Variants in SMIM31 observed in about 807,000 individuals in gnomAD.
SMIM31 encodes human epithelial cell program regulator.
In SMIM31 at chr4:164,802,424, C is replaced by G. The variant is rs1193247170; in HGVS notation, c.*1230C>G. ...CTAATTTTTGTAATTGTTTGTAGAA[C>G]CAAGGCCTCTCTATGTTGCCTAGGC... On this transcript the variant is annotated 3_prime_UTR_variant, in exon 3 of 3. Coordinates refer to ENST00000507311, the MANE Select transcript of SMIM31 (RefSeq NM_001352885.1). The G allele has an allele frequency of 1.3e-5, 2 of 152,248 alleles. No homozygotes were observed. Among genetic ancestry groups the G allele is most frequent in the African/African-American group, 4.8e-5 (2 of 41,432 alleles). 9.4% of individuals were successfully genotyped at this position (152,248 alleles called of 1,614,324 possible). A position where few individuals can be genotyped will look rare whatever the true frequency, so the allele number is the denominator to read the frequency against.
chr4:164,800,958 G>C lies in SMIM31; in HGVS notation c.113-133G>C, dbSNP rs1454304874. 1.8e-5 allele frequency: 7 copies of C among 390,322 alleles called. No individual in the cohort carries two copies. In the East Asian group the frequency reaches 2.2e-4, roughly 12 times the overall value. The allele number at this position is 390,322 out of a possible 1,614,324, so 24.2% of individuals were successfully genotyped here. ...TCCTTGCTCTGTCTCCTTTCGCTAGGTGTAATCCCTTTCCTAGCCAACAGG... is the reference window on the plus strand; with the variant it reads ...TCCTTGCTCTGTCTCCTTTCGCTAGCTGTAATCCCTTTCCTAGCCAACAGG... On this transcript the variant is annotated intron_variant, in intron 2 of 2. Transcript: ENST00000507311.
intron 2 of SMIM31, among the ~76,000 whole-genome samples, chr4:164,789,909 T>C (rs1331389895): frequency 6.6e-6 from 1 of 152,226 alleles, no homozygotes; most frequent in Non-Finnish European, 1.5e-5. Context: ...AAAACTGTTA[T>C]GTAGAATGTC....
chr4:164,773,833 T>C (rs1732845281), intron 2 of SMIM31, among the ~76,000 whole-genome samples: 1 of 152,096 alleles, frequency 6.6e-6, no homozygotes, highest in Admixed American at 6.5e-5. Context: ...AGTCTTCTTC[T>C]TGGGAGTCTT....
intron 2 of SMIM31, among the ~76,000 whole-genome samples, chr4:164,772,876 C>A (rs957989599): frequency 6.6e-6 from 1 of 151,846 alleles, no homozygotes; most frequent in Non-Finnish European, 1.5e-5. Flanking sequence ...CCGCGCCCGG[C>A]CGGACATTGA....
chr4:164,781,996 A>G (rs1732956077), intron 2 of SMIM31, among the ~76,000 whole-genome samples: 2 of 152,134 alleles, frequency 1.3e-5, no homozygotes, highest in Non-Finnish European at 2.9e-5. Flanking sequence ...TCTACCTTAA[A>G]AAGTGAATTT....
intron 2 of SMIM31, among the ~76,000 whole-genome samples, chr4:164,779,623 A>C (rs1732921957): frequency 1.3e-5 from 2 of 152,292 alleles, no homozygotes; most frequent in South Asian, 4.1e-4. Flanking sequence ...TTAAGAAGAC[A>C]TGGCCATAAG....
At chr4:164,755,799 A>G (rs1732553887) in intron 1 of SMIM31, among the ~76,000 whole-genome samples, 1 of 152,104 alleles carries the variant, frequency 6.6e-6, no homozygotes, top group Non-Finnish European at 1.5e-5. Flanking sequence ...AATTTAAAAA[A>G]TTCTTTGGAA....
chr4:164,785,724 T>C (rs1042280022), intron 2 of SMIM31, among the ~76,000 whole-genome samples: 8 of 150,634 alleles, frequency 5.3e-5, no homozygotes, highest in Non-Finnish European at 1.2e-4. Context: ...TTACATAATC[T>C]TTAAGCTTCT....
intron 1 of SMIM31, among the ~76,000 whole-genome samples, chr4:164,760,874 T>A (rs1002844215): frequency 1.3e-5 from 2 of 152,044 alleles, no homozygotes; most frequent in African/African-American, 4.8e-5. Flanking sequence ...ATGGAGCTAC[T>A]GTCAATGAAA....
intron 2 of SMIM31, among the ~76,000 whole-genome samples, chr4:164,780,705 C>A (rs779778078): frequency 5.9e-5 from 9 of 152,172 alleles, no homozygotes; most frequent in Non-Finnish European, 8.8e-5. Context: ...GCATTAAATT[C>A]TAAAATTCTA....
chr4:164,789,300 G>A (rs896617717), intron 2 of SMIM31, among the ~76,000 whole-genome samples: 1 of 152,138 alleles, frequency 6.6e-6, no homozygotes, highest in Non-Finnish European at 1.5e-5. Context: ...GGCCAGCAGA[G>A]GTACAAATGA....
intron 1 of SMIM31, among the ~76,000 whole-genome samples, chr4:164,768,378 G>A (rs1157938055): frequency 9.5e-5 from 13 of 137,068 alleles, no homozygotes; most frequent in East Asian, 6.7e-4. Flanking sequence ...GCAGTGAGCC[G>A]AAATCACACC....
chr4:164,789,194 G>A (rs1336772679), intron 2 of SMIM31, among the ~76,000 whole-genome samples: 4 of 152,066 alleles, frequency 2.6e-5, no homozygotes, highest in Non-Finnish European at 5.9e-5. Context: ...GAATGTTTGC[G>A]GATTCCATAG....
intron 2 of SMIM31, among the ~76,000 whole-genome samples, chr4:164,800,634 C>T (rs943681475): frequency 6.6e-6 from 1 of 152,150 alleles, no homozygotes; most frequent in East Asian, 1.9e-4. Context: ...TGACAATGCC[C>T]CTCAGGCTTA....
At chr4:164,779,124 G>A (rs1417052743) in intron 2 of SMIM31, among the ~76,000 whole-genome samples, 1 of 152,164 alleles carries the variant, frequency 6.6e-6, no homozygotes, top group Non-Finnish European at 1.5e-5. Flanking sequence ...TGGTCGCAGA[G>A]AAGTTCAACA....
At chr4:164,781,805 T>C (rs569786391) in intron 2 of SMIM31, among the ~76,000 whole-genome samples, 1 of 152,250 alleles carries the variant, frequency 6.6e-6, no homozygotes, top group Non-Finnish European at 1.5e-5. Flanking sequence ...CTATGTAACA[T>C]TGTGGAAAAG....
rs1732640649 is a variant in SMIM31, at chr4:164,760,880, T to C, written c.-26+6469T>C. 2.0e-5 allele frequency among the ~76,000 whole-genome samples: 3 copies of C among 151,868 alleles called. No homozygotes were observed. In the South Asian group the frequency reaches 6.2e-4, roughly 32 times the overall value. On this transcript the variant is annotated intron_variant, in intron 1 of 2. Transcript: ENST00000507311. ...ACTAGAAACATGGAGCTACTGTCAA[T>C]GAAAAGGGAAATAAAGGGGGTGAGA...
chr4:164,800,169 G>A (rs1358465387), intron 2 of SMIM31, among the ~76,000 whole-genome samples: 1 of 152,014 alleles, frequency 6.6e-6, no homozygotes, highest in Non-Finnish European at 1.5e-5. Context: ...TGAGGTTCCA[G>A]AGGACAGTCA....
In SMIM31 at chr4:164,767,338, T is replaced by A. The variant is rs144997637; in HGVS notation, c.-25-3081T>A. ...TTTAGTCACTAGTAAATGATTTAAC[T>A]TAACTAAGCTTAGATAAGCTTAAAT... On this transcript the variant is annotated intron_variant, in intron 1 of 2. Transcript: ENST00000507311. Among the ~76,000 whole-genome samples the A allele has an allele frequency of 8.0e-3, 1,212 of 152,314 alleles. 21 individuals are homozygous for A. Among genetic ancestry groups the A allele is most frequent in the African/African-American group, 0.027 (1,139 of 41,556 alleles).
Sources: allele counts gnomAD v4.1 joint callset (sites outside exome capture counted in the v4.1 genomes callset), GRCh38; gene constraint gnomAD v4.1.1; transcripts MANE v1.5; gene names NCBI Gene and HGNC (gene_info 2026-07-23, HGNC 2026-07-21).